Variants in U2SURP observed in about 807,000 individuals in gnomAD.
U2SURP encodes U2 snRNP-associated SURP motif-containing protein.
U2SURP carries 9 observed loss-of-function variants against 144.9 expected under a neutral mutation model. The ratio of observed to expected loss-of-function variants is 0.06; its 90% confidence interval spans 0.04 to 0.11. U2SURP has a LOEUF of 0.11. U2SURP is among the 10% of genes least tolerant of loss of function. U2SURP has a pLI of 1.00. For synonymous variants in U2SURP, 408 were observed against 396.8 expected (o/e 1.03, Z -0.33); for missense variants, 724 against 1,226.7 (o/e 0.59, Z 6.12).
At chr3:143,003,751 G>A (rs1935669627) in intron 1 of U2SURP, among the ~76,000 whole-genome samples, 1 of 140,592 alleles carries the variant, frequency 7.1e-6, no homozygotes, top group South Asian at 2.2e-4. Flanking sequence ...GAGTGCAGTG[G>A]CACAATCTCG....
At chr3:143,037,068 A>G (rs898892330) in intron 20 of U2SURP, 111 bp from the exon 21 acceptor site, 5 of 991,990 alleles carry the variant, frequency 5.0e-6, no homozygotes, top group Non-Finnish European at 7.3e-6. Flanking sequence ...ATTGTACCTC[A>G]GATTGTGGGT....
intron 14 of U2SURP, among the ~76,000 whole-genome samples, chr3:143,027,939 G>A (rs903379773): frequency 1.3e-5 from 2 of 152,150 alleles, no homozygotes; most frequent in Non-Finnish European, 2.9e-5. Flanking sequence ...GAACAAATGA[G>A]TTTTAAAATA....
chr3:143,053,782 C>T lies in U2SURP; in HGVS notation c.2762C>T (p.Thr921Ile), dbSNP rs371501706. 8 of 1,591,696 alleles carry T rather than the reference C, an allele frequency of 5.0e-6. No homozygotes were observed. Among genetic ancestry groups the T allele is most frequent in the Non-Finnish European group, 4.3e-6 (5 of 1,172,174 alleles). Residue 921 changes from threonine to isoleucine, a missense_variant, in exon 26 of 28, where the codon ACA becomes ATA. Physicochemically the swap from Thr to Ile is moderately conservative, Grantham distance 89. Transcript: ENST00000473835. ...DKKEKDECTP[T>I]RKERKRRHST... Reference sequence around the variant, plus strand: ...AAGGAAAAAGATGAGTGTACTCCGACAAGGAAGGAAAGGTATAACATTTCT... The same window carrying T: ...AAGGAAAAAGATGAGTGTACTCCGATAAGGAAGGAAAGGTATAACATTTCT...
intron 4 of U2SURP, among the ~76,000 whole-genome samples, chr3:143,015,417 A>G (rs1179052130): frequency 1.6e-5 from 2 of 127,518 alleles, no homozygotes; most frequent in Admixed American, 8.4e-5. Flanking sequence ...GTCTTTCCCT[A>G]TGATTTCTGG....
rs1439041160 is a variant in U2SURP at position 143,023,045 on chromosome 3, A to G, written c.1211A>G (p.Asn404Ser). The G allele has an allele frequency of 1.9e-6, 3 of 1,604,570 alleles. No homozygotes were observed. The highest frequency in any genetic ancestry group is 1.7e-6 in the Non-Finnish European group (2 of 1,176,056). ...GCTCCTATGTTACCGCCACCTAAAA[A>G]CAAAGAGGATTTTGAGAAGGTAATT... The part of the protein sequence containing the change: ...PNAPMLPPPK[N>S]KEDFEKTLSQ... Residue 404 changes from asparagine (N) to serine (S), a missense_variant, in exon 12 of 28, where the codon AAC becomes AGC. Physicochemically the swap from Asn to Ser is conservative, Grantham distance 46 (BLOSUM62 1). Around this residue, in one of 13 missense-constraint regions of U2SURP, gnomAD observed 64 missense variants for 164.1 expected, o/e 0.39. Transcript: ENST00000473835.
chr3:143,021,818 ATAT>A (rs1578130366), intron 10 of U2SURP, among the ~76,000 whole-genome samples: 1 of 152,142 alleles, frequency 6.6e-6, no homozygotes, highest in African/African-American at 2.4e-5. Context: ...TTGATGAATA[ATAT>A]TATTTTGAGA....
intron 23 of U2SURP, among the ~76,000 whole-genome samples, chr3:143,039,974 T>C (rs1437148790): frequency 6.6e-6 from 1 of 151,944 alleles, no homozygotes; most frequent in Non-Finnish European, 1.5e-5. Flanking sequence ...TGAGGCTGTT[T>C]AGGAATACAC....
chr3:143,010,822 C>A lies in U2SURP; in HGVS notation c.53C>A (p.Ser18Ter). 6.2e-7 allele frequency: 1 copy of A among 1,606,978 alleles called. No individual in the cohort carries two copies. Among genetic ancestry groups the A allele is most frequent in the Non-Finnish European group, 8.5e-7 (1 of 1,176,520 alleles). The stretch of plus-strand genomic sequence containing the variant: ...TATTTTTGATACTTGTAGACGAGAT[C>A]ATCAGATGTTCATTCATCTGGATCT... ...GSQKASSKTR[S>*]SDVHSSGSSD... Residue 18 changes from serine to a stop codon, truncating the protein, a stop_gained, in exon 2 of 28, where the codon TCA becomes TAA. Coordinates refer to ENST00000473835, the MANE Select transcript of U2SURP (RefSeq NM_001080415.2). LOFTEE classifies it high-confidence loss of function.
intron 1 of U2SURP, among the ~76,000 whole-genome samples, chr3:143,003,097 G>C (rs1935622703): frequency 6.6e-6 from 1 of 152,054 alleles, no homozygotes; most frequent in Admixed American, 6.5e-5. Context: ...TTGAGGTCTT[G>C]GATACATTGA....
In U2SURP at chr3:143,046,993, G is replaced by A. The variant is rs1487961419; in HGVS notation, c.2544+3717G>A. Among the ~76,000 whole-genome samples the A allele has an allele frequency of 2.5e-4, 35 of 140,020 alleles. 2 individuals carry two copies. Among genetic ancestry groups the A allele is most frequent in the Admixed American group, 1.2e-3 (17 of 14,732 alleles). The allele number at this position is 140,020 out of a possible 152,430, so 91.9% of individuals were successfully genotyped here. A position where few individuals can be genotyped will look rare whatever the true frequency, so the allele number is the denominator to read the frequency against. On this transcript the variant is annotated intron_variant, in intron 24 of 27. Transcript: ENST00000473835. ...CCCGGACGGGGCGGCTGGCCGGGCG[G>A]GGGGCTGACCCCCCCACCTCCCTCC...
chr3:143,031,855 T>C (rs1240526672), intron 16 of U2SURP, among the ~76,000 whole-genome samples: 1 of 152,160 alleles, frequency 6.6e-6, no homozygotes, highest in African/African-American at 2.4e-5. Context: ...ACTGTTTGAG[T>C]GTATTTACTT....
chr3:143,045,731 T>C (rs1232857119), intron 24 of U2SURP, among the ~76,000 whole-genome samples: 3 of 152,256 alleles, frequency 2.0e-5, no homozygotes, highest in Admixed American at 6.5e-5. Flanking sequence ...TTTCTCCTGC[T>C]TTCATAGTGA....
intron 3 of U2SURP, 65 bp from the exon 4 acceptor site, chr3:143,014,246 A>G: frequency 9.9e-7 from 1 of 1,011,404 alleles, no homozygotes; most frequent in Non-Finnish European, 1.4e-6. Flanking sequence ...TTATCAGTTG[A>G]TGTGTATTAA....
intron 24 of U2SURP, among the ~76,000 whole-genome samples, chr3:143,046,046 G>C (rs1049448334): frequency 6.6e-6 from 1 of 151,994 alleles, no homozygotes; most frequent in Non-Finnish European, 1.5e-5. Flanking sequence ...TAAGAATAAA[G>C]TTCTAAATCA....
chr3:143,012,503 C>T, intron 3 of U2SURP, 150 bp downstream of exon 3: 1 of 659,376 alleles, frequency 1.5e-6, no homozygotes, highest in Non-Finnish European at 2.2e-6. Context: ...TTTGGGATAA[C>T]AGTAAACTCA....
chr3:143,052,169 C>T (rs1238071447), intron 25 of U2SURP, among the ~76,000 whole-genome samples: 1 of 152,134 alleles, frequency 6.6e-6, no homozygotes, highest in Non-Finnish European at 1.5e-5. Flanking sequence ...TCACCTCAGG[C>T]AAATCACCTG....
At position 143,016,250 on chromosome 3, in the gene U2SURP, T is replaced by A. The variant is rs776890741; in HGVS notation, c.322-7T>A. 1 of 1,609,968 alleles carries A rather than the reference T, an allele frequency of 6.2e-7. No individual in the cohort carries two copies. Among genetic ancestry groups the A allele is most frequent in the Admixed American group, 1.7e-5 (1 of 59,946 alleles). On this transcript the variant is annotated splice_polypyrimidine_tract_variant and splice_region_variant and intron_variant, in intron 4 of 27. Transcript: ENST00000473835. ...TGTGTAATATTAATATTTTCATGTG[T>A]ATTTAGGAGGATGAAAAGGCAGCTG...
In U2SURP at chr3:143,049,160, G is replaced by A. The variant is rs931504456; in HGVS notation, c.2545-1779G>A. ...GTGCGCCTGTAATCCCAGCTACTTG[G>A]GAAGCTGAGGCGGGAGAATTGCTTG... On this transcript the variant is annotated intron_variant, in intron 24 of 27. Coordinates refer to ENST00000473835, the MANE Select transcript of U2SURP (RefSeq NM_001080415.2). 1.7e-4 allele frequency among the ~76,000 whole-genome samples: 25 copies of A among 151,314 alleles called. No individual in the cohort carries two copies. In the East Asian group the frequency reaches 1.7e-3, roughly 11 times the overall value.
In U2SURP at chr3:143,028,548, G is replaced by A. The variant is rs1373926793; in HGVS notation, c.1512G>A (p.Arg504=). The change falls in exon 16 of 28, where the codon AGG becomes AGA. Residue 504 remains arginine (R), a synonymous_variant. Transcript: ENST00000473835. Reference sequence around the variant, plus strand: ...TGTTCAAAAATGGATCTTTTTGGAGGCCACCACCATTAAATCCGTACTTGC... The same window carrying A: ...TGTTCAAAAATGGATCTTTTTGGAGACCACCACCATTAAATCCGTACTTGC... ...FRMFKNGSFW[R]PPPLNPYLHG... 6.3e-7 allele frequency: 1 copy of A among 1,593,460 alleles called. No homozygotes were observed. Among genetic ancestry groups the A allele is most frequent in the East Asian group, 2.2e-5 (1 of 44,754 alleles).
Sources: allele counts gnomAD v4.1 joint callset (sites outside exome capture counted in the v4.1 genomes callset), GRCh38; gene constraint gnomAD v4.1.1; regional missense constraint gnomAD v4.1.1; transcripts MANE v1.5; gene names NCBI Gene and HGNC (gene_info 2026-07-23, HGNC 2026-07-21).